TOP2B: variants seen among roughly 807,000 people sequenced by gnomAD.
TOP2B encodes the protein DNA topoisomerase 2-beta.
In TOP2B, 51 loss-of-function variants were observed where a neutral mutation model predicts 193.5. The ratio of observed to expected loss-of-function variants is 0.26; its 90% CI spans 0.21 to 0.33. The LOEUF is 0.33. Ranked by LOEUF, TOP2B falls within the 10% of genes least tolerant of loss-of-function variation. TOP2B has a pLI of 1.00. For synonymous variants in TOP2B, 634 were observed against 635.7 expected, an observed-to-expected ratio of 1.00 and a Z score of 0.04; for missense variants, 1,378 against 1,909.3, an observed-to-expected ratio of 0.72 and a Z score of 5.19.
intron 28 of TOP2B, among the ~76,000 whole-genome samples, chr3:25,611,565 A>G (rs1702371006): frequency 6.6e-6 from 1 of 152,188 alleles, no homozygotes; most frequent in South Asian, 2.1e-4. Flanking sequence ...AACCTGTCCA[A>G]AAACATTAGC....
At chr3:25,602,035 C>A (rs1416721511) in intron 33 of TOP2B, among the ~76,000 whole-genome samples, 2 of 152,050 alleles carry the variant, frequency 1.3e-5, no homozygotes, top group South Asian at 2.1e-4. Context: ...TGATACCAGG[C>A]CTTTGCTTTC....
intron 11 of TOP2B, 136 bp from the exon 12 acceptor site, chr3:25,630,605 AAATATT>A: frequency 1.2e-6 from 1 of 848,538 alleles, no homozygotes. Flanking sequence ...TGCTCAGTAT[AAATATT>A]AAGTATATTT....
chr3:25,608,259 G>A (rs75178078), intron 30 of TOP2B, among the ~76,000 whole-genome samples: 20 of 152,210 alleles, frequency 1.3e-4, no homozygotes, highest in East Asian at 3.9e-4. Flanking sequence ...ACCAATTATC[G>A]TGAAAGGCAT....
chr3:25,661,119 G>A (rs1463340265), intron 1 of TOP2B, among the ~76,000 whole-genome samples: 1 of 151,516 alleles, frequency 6.6e-6, no homozygotes, highest in Non-Finnish European at 1.5e-5. Context: ...TCCTGCCTCA[G>A]CCTCCCGAGT....
In TOP2B at chr3:25,634,797, AC is replaced by A. The variant is rs1169640459; in HGVS notation, c.853-784del. On this transcript the variant is annotated intron_variant, in intron 7 of 35. Transcript: ENST00000264331. ...CCTTACCAAAAAAAAAAAAAAAAAAACCAAAAAAAGGCTTATTCTGCAGGGC... is the reference window on the plus strand; with the variant it reads ...CCTTACCAAAAAAAAAAAAAAAAAAACAAAAAAAGGCTTATTCTGCAGGGC... 3.5e-3 allele frequency among the ~76,000 whole-genome samples: 434 copies of A among 123,246 alleles called. 27 individuals carry two copies. Among genetic ancestry groups the A allele is most frequent in the African/African-American group, 6.5e-3 (238 of 36,706 alleles). The allele number at this position is 123,246 out of a possible 152,430, so 80.9% of individuals were successfully genotyped here. A position where few individuals can be genotyped will look rare whatever the true frequency, so the allele number is the denominator to read the frequency against.
At chr3:25,600,560 CAGCTACCCTCACAGCATG>C (rs926690469) in intron 34 of TOP2B, among the ~76,000 whole-genome samples, 7 of 152,160 alleles carry the variant, frequency 4.6e-5, no homozygotes, top group African/African-American at 1.7e-4. Flanking sequence ...AAAGGTAGAG[CAGCTACCCTCACAGCATG>C]AGCTACCCTC....
rs1203221142 is a variant in TOP2B at position 25,640,382 on chromosome 3, G to T, written c.395+1940C>A. 6.6e-5 allele frequency among the ~76,000 whole-genome samples: 10 copies of T among 152,134 alleles called. 1 individual carries two copies. In the East Asian group the frequency reaches 1.5e-3, roughly 24 times the overall value. ...GTAAACAACAAAAGAAACAAGAAAG[G>T]AGGGGTGAAAAAATATACTACCATC... On this transcript the variant is annotated intron_variant, in intron 4 of 35. Coordinates refer to ENST00000264331, the MANE Select transcript of TOP2B (RefSeq NM_001330700.2).
chr3:25,643,438 G>A (rs1486222349), intron 3 of TOP2B, among the ~76,000 whole-genome samples: 6 of 152,098 alleles, frequency 3.9e-5, no homozygotes, highest in African/African-American at 1.4e-4. Flanking sequence ...TACACATAGA[G>A]GAGTACAGAC....
chr3:25,598,494 T>C lies in TOP2B; in HGVS notation c.4711-17A>G, dbSNP rs1007621941. 2 of 1,554,864 alleles carry C rather than the reference T, an allele frequency of 1.3e-6. No individual in the cohort carries two copies. The highest frequency in any genetic ancestry group is 2.1e-5 in the Admixed American group (1 of 48,746). On this transcript the variant is annotated splice_polypyrimidine_tract_variant and intron_variant, in intron 35 of 35. Transcript: ENST00000264331. The stretch of plus-strand genomic sequence containing the variant: ...CTTCGGTTTCTAGATTTTTTTTCAA[T>C]AGATTTAAAAGTTATGAAAGGAAGT...
At chr3:25,623,801 A>G (rs918730925) in intron 20 of TOP2B, 55 bp from the exon 21 acceptor site, 7 of 1,141,276 alleles carry the variant, frequency 6.1e-6, no homozygotes, top group Non-Finnish European at 6.3e-6. Context: ...GGGAAAGAAA[A>G]CTTTATACAT....
At position 25,632,401 on chromosome 3, in the gene TOP2B, T is replaced by C. The variant is rs1031320369; in HGVS notation, c.1266+45A>G. ...AAAGTAAATCAAGAAAACTACCTAA[T>C]CAACTCTTAATAACAACAATAAAAA... On this transcript the variant is annotated intron_variant, in intron 10 of 35. Coordinates refer to ENST00000264331, the MANE Select transcript of TOP2B (RefSeq NM_001330700.2). 8 of 1,461,546 alleles carry C rather than the reference T, an allele frequency of 5.5e-6. No homozygotes were observed. In the African/African-American group the frequency reaches 1.2e-4, roughly 21 times the overall value. The allele number at this position is 1,461,546 out of a possible 1,614,324, so 90.5% of individuals were successfully genotyped here. A position where few individuals can be genotyped will look rare whatever the true frequency, so the allele number is the denominator to read the frequency against.
intron 18 of TOP2B, 161 bp from the exon 19 acceptor site, chr3:25,624,964 T>C (rs539126039): frequency 7.4e-6 from 5 of 672,970 alleles, no homozygotes; most frequent in Non-Finnish European, 1.2e-5. Context: ...TTGTTTTGTT[T>C]GTTTGTTTTT....
Position 25,620,742 on chromosome 3 carries a change from T to C in TOP2B, c.2802A>G (p.Ile934Met). 1.9e-6 allele frequency: 3 copies of C among 1,613,358 alleles called. No homozygotes were observed. Among genetic ancestry groups the C allele is most frequent in the South Asian group, 1.1e-5 (1 of 90,954 alleles). ...GQNQYAVSGE[I>M]FVVDRNTVEI... ...CTACTGTGTTTCTGTCCACTACAAA[T>C]ATTTCACCACTGACTGCATACTGGT... is the stretch of plus-strand genomic sequence containing the variant. The change falls in exon 22 of 36, where the codon ATA becomes ATG. Residue 934 changes from isoleucine (I) to methionine (M), a missense_variant. By Grantham distance (10) the Ile-to-Met change is conservative. Around this residue, in one of 9 missense-constraint regions of TOP2B, gnomAD observed 379 missense variants for 615.1 expected, o/e 0.62. Coordinates refer to ENST00000264331, the MANE Select transcript of TOP2B (RefSeq NM_001330700.2).
chr3:25,606,363 A>G (rs1363782002), intron 31 of TOP2B, among the ~76,000 whole-genome samples: 4 of 152,140 alleles, frequency 2.6e-5, no homozygotes, highest in African/African-American at 9.6e-5. Flanking sequence ...GACACCATAC[A>G]AATCAATTAT....
intron 15 of TOP2B, among the ~76,000 whole-genome samples, chr3:25,628,467 C>A (rs1009554131): frequency 1.3e-5 from 2 of 152,110 alleles, no homozygotes; most frequent in African/African-American, 2.4e-5. Flanking sequence ...CAAAGCAAGA[C>A]CCTGTCTCAA....
chr3:25,631,017 A>G, intron 10 of TOP2B, 78 bp from the exon 11 acceptor site: 1 of 1,275,216 alleles, frequency 7.8e-7, no homozygotes, highest in Non-Finnish European at 1.0e-6. Flanking sequence ...GCCTAATGCA[A>G]GACCTGGAAT....
chr3:25,658,210 C>A (rs1703810568), intron 1 of TOP2B, among the ~76,000 whole-genome samples: 1 of 151,658 alleles, frequency 6.6e-6, no homozygotes, highest in Non-Finnish European at 1.5e-5. Context: ...ACCTGGGCAA[C>A]AACAGAGCGA....
chr3:25,631,972 T>G (rs1702971713), intron 10 of TOP2B, among the ~76,000 whole-genome samples: 1 of 152,076 alleles, frequency 6.6e-6, no homozygotes, highest in Non-Finnish European at 1.5e-5. Context: ...ATTTGTGCTC[T>G]CACCTTATTT....
At position 25,623,504 on chromosome 3, in the gene TOP2B, C is replaced by T; in HGVS notation, c.2727+11G>A. On this transcript the variant is annotated intron_variant, in intron 21 of 35. Transcript: ENST00000264331. Reference sequence around the variant, plus strand: ...CATTTGTTAAATAAATAATAAGTTCCAAATAATTACCATGGGATGAGGATC... The same window carrying T: ...CATTTGTTAAATAAATAATAAGTTCTAAATAATTACCATGGGATGAGGATC... The T allele has an allele frequency of 6.2e-7, 1 of 1,608,612 alleles. No individual in the cohort carries two copies. The highest frequency in any genetic ancestry group is 8.5e-7 in the Non-Finnish European group (1 of 1,175,504).
Sources: gnomAD v4.1 joint callset for allele counts (sites outside exome capture counted in the v4.1 genomes callset) on GRCh38, gnomAD v4.1.1 for gene constraint, gnomAD v4.1.1 regional missense constraint, MANE v1.5 for transcripts, NCBI Gene and HGNC (gene_info 2026-07-23, HGNC 2026-07-21) for gene names.